Variants in SMIM10L1 observed in about 807,000 individuals in gnomAD.
The protein encoded by SMIM10L1 is small integral membrane protein 10-like protein 1.
SMIM10L1 carries 6 observed loss-of-function variants against 4.5 expected under a neutral mutation model. The observed-to-expected ratio is 1.33, with a 90% confidence interval of 0.73 to 2.62. The LOEUF (loss-of-function observed/expected upper bound fraction) is 2.62, where lower values mean the gene tolerates loss of function less well. Ranked by LOEUF, SMIM10L1 falls within the 30% of genes most tolerant of loss-of-function variation. The pLI is 0.00. For missense variants in SMIM10L1, 66 were observed against 86.2 expected (o/e 0.77, Z 0.93); for synonymous variants, 49 against 42.2 (o/e 1.16, Z -0.63).
rs950251734 is a variant in SMIM10L1, at chr12:11,171,696, C to G, written c.*133C>G. ...TGCTCAGGCGCTCTTCGTGGCTGCC[C>G]TCTTAGCTGCTAGCGGAGCTCCTCA... On this transcript the variant is annotated 3_prime_UTR_variant, in exon 1 of 1. Coordinates refer to ENST00000622602, the MANE Select transcript of SMIM10L1 (RefSeq NM_001271592.2). 5.2e-6 allele frequency: 3 copies of G among 580,920 alleles called. No individual in the cohort carries two copies. The highest frequency in any genetic ancestry group is 7.6e-6 in the Non-Finnish European group (3 of 393,626). The allele number at this position is 580,920 out of a possible 1,614,324, so 36.0% of individuals were successfully genotyped here.
At position 11,173,843 on chromosome 12, in the gene SMIM10L1, C is replaced by G. The variant is rs1947907956; in HGVS notation, c.*2280C>G. 1 of 151,826 alleles carries G rather than the reference C, an allele frequency of 6.6e-6. No homozygotes were observed. Among genetic ancestry groups the G allele is most frequent in the African/African-American group, 2.4e-5 (1 of 41,340 alleles). 9.4% of individuals were successfully genotyped at this position (151,826 alleles called of 1,614,324 possible). A position where few individuals can be genotyped will look rare whatever the true frequency, so the allele number is the denominator to read the frequency against. ...ACACTATATCCTATTCAATTTTACA[C>G]CCGGTAGTAACAGTATGTGTGTGTA... On this transcript the variant is annotated 3_prime_UTR_variant, in exon 1 of 1. Transcript: ENST00000622602.
rs866470561 is a variant in SMIM10L1, at chr12:11,171,606, C to T, written c.*43C>T. ...CGGCCTCCGGGGCCAGCATGATGGC[C>T]GACTCCCAGGGTCCGTTGCGGCGCG... On this transcript the variant is annotated 3_prime_UTR_variant, in exon 1 of 1. Transcript: ENST00000622602. 118 of 1,210,090 alleles carry T rather than the reference C, an allele frequency of 9.8e-5. No individual in the cohort carries two copies. In the African/African-American group the frequency reaches 1.5e-3, roughly 15 times the overall value. The allele number at this position is 1,210,090 out of a possible 1,614,324, so 75.0% of individuals were successfully genotyped here.
chr12:11,173,372 A>G lies in SMIM10L1; in HGVS notation c.*1809A>G, dbSNP rs938602146. 4 of 151,900 alleles carry G rather than the reference A, an allele frequency of 2.6e-5. No homozygotes were observed. Among genetic ancestry groups the G allele is most frequent in the South Asian group, 2.1e-4 (1 of 4,804 alleles). The allele number at this position is 151,900 out of a possible 1,614,324, so 9.4% of individuals were successfully genotyped here. On this transcript the variant is annotated 3_prime_UTR_variant, in exon 1 of 1. Transcript: ENST00000622602. ...GCTTAGGTGGCGCTTTTTCCATTAA[A>G]TTTTTCCTGGATTCCACTGACCATA...
chr12:11,171,568 A>G lies in SMIM10L1; in HGVS notation c.*5A>G. On this transcript the variant is annotated 3_prime_UTR_variant, in exon 1 of 1. Transcript: ENST00000622602. ...CGATTGCAGGTACATATTTAGAGCC[A>G]TGACTAAGCTAACGGCCTCCGGGGC... 8 of 1,231,938 alleles carry G rather than the reference A, an allele frequency of 6.5e-6. No homozygotes were observed. Among genetic ancestry groups the G allele is most frequent in the Non-Finnish European group, 7.1e-6 (7 of 987,844 alleles). The allele number at this position is 1,231,938 out of a possible 1,614,324, so 76.3% of individuals were successfully genotyped here.
rs896779979 is a variant in SMIM10L1 at position 11,173,077 on chromosome 12, G to A, written c.*1514G>A. The A allele has an allele frequency of 3.3e-5, 5 of 151,918 alleles. No individual in the cohort carries two copies. The highest frequency in any genetic ancestry group is 7.4e-5 in the Non-Finnish European group (5 of 67,964). 9.4% of individuals were successfully genotyped at this position (151,918 alleles called of 1,614,324 possible). ...GAAAAGTGCAGAAAAAGTAGTATAC[G>A]CATTTTTTTTTTCAGGAAAAAATTA... On this transcript the variant is annotated 3_prime_UTR_variant, in exon 1 of 1. Transcript: ENST00000622602.
rs776754213 is a variant in SMIM10L1 at position 11,171,625 on chromosome 12, C to T, written c.*62C>T. 5.5e-5 allele frequency: 64 copies of T among 1,161,280 alleles called. No homozygotes were observed. Among genetic ancestry groups the T allele is most frequent in the Non-Finnish European group, 6.9e-5 (64 of 923,616 alleles). The allele number at this position is 1,161,280 out of a possible 1,614,324, so 71.9% of individuals were successfully genotyped here. On this transcript the variant is annotated 3_prime_UTR_variant, in exon 1 of 1. Coordinates refer to ENST00000622602, the MANE Select transcript of SMIM10L1 (RefSeq NM_001271592.2). ...GATGGCCGACTCCCAGGGTCCGTTG[C>T]GGCGCGGCGGAGCAGCCAATGGCGA...
In SMIM10L1 at chr12:11,171,705, G is replaced by A. The variant is rs1947855599; in HGVS notation, c.*142G>A. ...GCTCTTCGTGGCTGCCCTCTTAGCT[G>A]CTAGCGGAGCTCCTCAGGGGGCGGC... is the stretch of plus-strand genomic sequence containing the variant. On this transcript the variant is annotated 3_prime_UTR_variant, in exon 1 of 1. Transcript: ENST00000622602. The A allele has an allele frequency of 1.9e-6, 1 of 527,374 alleles. No individual in the cohort carries two copies. Among genetic ancestry groups the A allele is most frequent in the Non-Finnish European group, 2.9e-6 (1 of 344,896 alleles). 32.7% of individuals were successfully genotyped at this position (527,374 alleles called of 1,614,324 possible).
rs1198391141 is a variant in SMIM10L1 at position 11,172,004 on chromosome 12, T to C, written c.*441T>C. On this transcript the variant is annotated 3_prime_UTR_variant, in exon 1 of 1. Transcript: ENST00000622602. ...GGTATTAAGGCTGTGATATAGAAGG[T>C]ACATATTTCATCCCACAAGAGAAAA... The C allele has an allele frequency of 6.5e-6, 1 of 152,742 alleles. No individual in the cohort carries two copies. Among genetic ancestry groups the C allele is most frequent in the Non-Finnish European group, 1.5e-5 (1 of 68,492 alleles). The allele number at this position is 152,742 out of a possible 1,614,324, so 9.5% of individuals were successfully genotyped here.
Position 11,171,251 on chromosome 12 carries a change from G to C in SMIM10L1, c.-106G>C, listed in dbSNP as rs1164611096. 2.8e-6 allele frequency: 2 copies of C among 719,272 alleles called. No homozygotes were observed. The highest frequency in any genetic ancestry group is 1.9e-6 in the Non-Finnish European group (1 of 519,900). The allele number at this position is 719,272 out of a possible 1,614,324, so 44.6% of individuals were successfully genotyped here. On this transcript the variant is annotated 5_prime_UTR_variant, in exon 1 of 1. Coordinates refer to ENST00000622602, the MANE Select transcript of SMIM10L1 (RefSeq NM_001271592.2). Reference sequence around the variant, plus strand: ...GCGGCAAGCTTGGGTGTGAGCCCGGGAGCCGCTTTGCTTACCGTCCTGCCG... The same window carrying C: ...GCGGCAAGCTTGGGTGTGAGCCCGGCAGCCGCTTTGCTTACCGTCCTGCCG...
In SMIM10L1 at chr12:11,174,958, TAA is replaced by T. The variant is rs1214107720; in HGVS notation, c.*3397_*3398del. The stretch of plus-strand genomic sequence containing the variant: ...CCTCAAATGAATCTCCAGTAATTCC[TAA>T]AGTTATATTTCATAAGGAGTTCAAT... On this transcript the variant is annotated 3_prime_UTR_variant, in exon 1 of 1. Transcript: ENST00000622602. 2 of 152,498 alleles carry T rather than the reference TAA, an allele frequency of 1.3e-5. No individual in the cohort carries two copies. The highest frequency in any genetic ancestry group is 4.8e-5 in the African/African-American group (2 of 41,438). 9.4% of individuals were successfully genotyped at this position (152,498 alleles called of 1,614,324 possible).
rs536105414 is a variant in SMIM10L1, at chr12:11,174,863, A to G, written c.*3300A>G. Reference sequence around the variant, plus strand: ...ACCCTGTGAGGAAAACATTTTTATCATTTTTCAGAGAAGCAAACCGGGATT... The same window carrying G: ...ACCCTGTGAGGAAAACATTTTTATCGTTTTTCAGAGAAGCAAACCGGGATT... On this transcript the variant is annotated 3_prime_UTR_variant, in exon 1 of 1. Transcript: ENST00000622602. The G allele has an allele frequency of 6.6e-6, 1 of 152,662 alleles. No homozygotes were observed. The highest frequency in any genetic ancestry group is 6.5e-5 in the Admixed American group (1 of 15,284). 9.5% of individuals were successfully genotyped at this position (152,662 alleles called of 1,614,324 possible). A position where few individuals can be genotyped will look rare whatever the true frequency, so the allele number is the denominator to read the frequency against.
Position 11,171,769 on chromosome 12 carries a change from C to A in SMIM10L1, c.*206C>A, listed in dbSNP as rs1053130367. The A allele has an allele frequency of 7.2e-5, 28 of 387,162 alleles. No individual in the cohort carries two copies. Among genetic ancestry groups the A allele is most frequent in the Non-Finnish European group, 1.0e-4 (23 of 219,626 alleles). The allele number at this position is 387,162 out of a possible 1,614,324, so 24.0% of individuals were successfully genotyped here. A position where few individuals can be genotyped will look rare whatever the true frequency, so the allele number is the denominator to read the frequency against. On this transcript the variant is annotated 3_prime_UTR_variant, in exon 1 of 1. Transcript: ENST00000622602. ...TCCCTAGAAAGAGAATACGCTGTTCCGGAAACAGAACTGCAGTTAAGACCC... is the reference window on the plus strand; with the variant it reads ...TCCCTAGAAAGAGAATACGCTGTTCAGGAAACAGAACTGCAGTTAAGACCC...
Position 11,171,248 on chromosome 12 carries a change from C to T in SMIM10L1, c.-109C>T, listed in dbSNP as rs1947832800. Reference sequence around the variant, plus strand: ...GCAGCGGCAAGCTTGGGTGTGAGCCCGGGAGCCGCTTTGCTTACCGTCCTG... The same window carrying T: ...GCAGCGGCAAGCTTGGGTGTGAGCCTGGGAGCCGCTTTGCTTACCGTCCTG... On this transcript the variant is annotated 5_prime_UTR_variant, in exon 1 of 1. Coordinates refer to ENST00000622602, the MANE Select transcript of SMIM10L1 (RefSeq NM_001271592.2). 3 of 696,604 alleles carry T rather than the reference C, an allele frequency of 4.3e-6. No individual in the cohort carries two copies. Among genetic ancestry groups the T allele is most frequent in the Non-Finnish European group, 6.0e-6 (3 of 499,474 alleles). 43.2% of individuals were successfully genotyped at this position (696,604 alleles called of 1,614,324 possible).
Position 11,173,750 on chromosome 12 carries a change from C to T in SMIM10L1, c.*2187C>T, listed in dbSNP as rs966669186. ...TCCTCACATCAGTCATTTGTTAAACCGAAGATGAAGAAACAGACTTTGTAT... is the reference window on the plus strand; with the variant it reads ...TCCTCACATCAGTCATTTGTTAAACTGAAGATGAAGAAACAGACTTTGTAT... On this transcript the variant is annotated 3_prime_UTR_variant, in exon 1 of 1. Coordinates refer to ENST00000622602, the MANE Select transcript of SMIM10L1 (RefSeq NM_001271592.2). 2 of 151,868 alleles carry T rather than the reference C, an allele frequency of 1.3e-5. No homozygotes were observed. The highest frequency in any genetic ancestry group is 4.8e-5 in the African/African-American group (2 of 41,340). The allele number at this position is 151,868 out of a possible 1,614,324, so 9.4% of individuals were successfully genotyped here. A position where few individuals can be genotyped will look rare whatever the true frequency, so the allele number is the denominator to read the frequency against.
Position 11,172,483 on chromosome 12 carries a change from A to G in SMIM10L1, c.*920A>G, listed in dbSNP as rs1448718395. The G allele has an allele frequency of 6.6e-6, 1 of 152,204 alleles. No homozygotes were observed. Among genetic ancestry groups the G allele is most frequent in the Non-Finnish European group, 1.5e-5 (1 of 68,036 alleles). 9.4% of individuals were successfully genotyped at this position (152,204 alleles called of 1,614,324 possible). A position where few individuals can be genotyped will look rare whatever the true frequency, so the allele number is the denominator to read the frequency against. ...TGTCTGTTGTTGAGTGGGGAAAGAC[A>G]TTTTTATTACTTACAGGGTAGCCAT... On this transcript the variant is annotated 3_prime_UTR_variant, in exon 1 of 1. Transcript: ENST00000622602.
Position 11,174,623 on chromosome 12 carries a change from CTA to C in SMIM10L1, c.*3063_*3064del, listed in dbSNP as rs1947921319. 1 of 147,478 alleles carries C rather than the reference CTA, an allele frequency of 6.8e-6. No individual in the cohort carries two copies. The highest frequency in any genetic ancestry group is 1.5e-5 in the Non-Finnish European group (1 of 67,036). The allele number at this position is 147,478 out of a possible 1,614,324, so 9.1% of individuals were successfully genotyped here. On this transcript the variant is annotated 3_prime_UTR_variant, in exon 1 of 1. Coordinates refer to ENST00000622602, the MANE Select transcript of SMIM10L1 (RefSeq NM_001271592.2). ...AACGATGCGTTACAGCTTATTTTAA[CTA>C]TAAAAGGAAAACAGTGAACATAGCA... is the stretch of plus-strand genomic sequence containing the variant.
rs763735528 is a variant in SMIM10L1, at chr12:11,173,042, A to T, written c.*1479A>T. 2.0e-5 allele frequency: 3 copies of T among 152,198 alleles called. No individual in the cohort carries two copies. The highest frequency in any genetic ancestry group is 2.9e-5 in the Non-Finnish European group (2 of 68,018). The allele number at this position is 152,198 out of a possible 1,614,324, so 9.4% of individuals were successfully genotyped here. On this transcript the variant is annotated 3_prime_UTR_variant, in exon 1 of 1. Coordinates refer to ENST00000622602, the MANE Select transcript of SMIM10L1 (RefSeq NM_001271592.2). ...AAGAGTGGTAAAGTTTTAAATCAAG[A>T]TCTGATATAGAAAAGTGCAGAAAAA...
At position 11,172,565 on chromosome 12, in the gene SMIM10L1, G is replaced by T. The variant is rs1947878810; in HGVS notation, c.*1002G>T. ...GGAGAGTGGTAGGGGAGAACAGTAT[G>T]AAGTCAACAGGAAATGGCTAAAGAT... is the stretch of plus-strand genomic sequence containing the variant. On this transcript the variant is annotated 3_prime_UTR_variant, in exon 1 of 1. Transcript: ENST00000622602. 6.6e-6 allele frequency: 1 copy of T among 152,142 alleles called. No individual in the cohort carries two copies. The highest frequency in any genetic ancestry group is 2.4e-5 in the African/African-American group (1 of 41,416). 9.4% of individuals were successfully genotyped at this position (152,142 alleles called of 1,614,324 possible).
chr12:11,171,596 G>A lies in SMIM10L1; in HGVS notation c.*33G>A. On this transcript the variant is annotated 3_prime_UTR_variant, in exon 1 of 1. Coordinates refer to ENST00000622602, the MANE Select transcript of SMIM10L1 (RefSeq NM_001271592.2). ...ACTAAGCTAACGGCCTCCGGGGCCA[G>A]CATGATGGCCGACTCCCAGGGTCCG... 2 of 1,217,448 alleles carry A rather than the reference G, an allele frequency of 1.6e-6. No homozygotes were observed. The highest frequency in any genetic ancestry group is 3.2e-5 in the East Asian group (1 of 31,590). 75.4% of individuals were successfully genotyped at this position (1,217,448 alleles called of 1,614,324 possible). A position where few individuals can be genotyped will look rare whatever the true frequency, so the allele number is the denominator to read the frequency against.
Sources: gnomAD v4.1 joint callset for allele counts on GRCh38, gnomAD v4.1.1 for gene constraint, MANE v1.5 for transcripts, NCBI Gene and HGNC (gene_info 2026-07-23, HGNC 2026-07-21) for gene names.